Variants in PDE4D observed in about 807,000 individuals in gnomAD.
PDE4D encodes the protein phosphodiesterase 4D.
In PDE4D, 24 loss-of-function variants were observed where a neutral mutation model predicts 87.4. The ratio of observed to expected loss-of-function variants is 0.27; its 90% confidence interval spans 0.20 to 0.39. The LOEUF is 0.39. PDE4D is among the 10% of genes least tolerant of loss of function. The pLI is 1.00. For missense variants in PDE4D, 714 were observed against 1,041.0 expected (o/e 0.69, Z 4.32); for synonymous variants, 384 against 383.2 (o/e 1.00, Z -0.02).
chr5:59,068,246 T>C (rs550669412), intron 5 of PDE4D, among the ~76,000 whole-genome samples: 1 of 152,206 alleles, frequency 6.6e-6, no homozygotes, highest in Admixed American at 6.5e-5. Flanking sequence ...TGATTTAACA[T>C]GATTGTTGAT....
intron 5 of PDE4D, among the ~76,000 whole-genome samples, chr5:59,118,593 T>C (rs1773991079): frequency 6.6e-6 from 1 of 152,226 alleles, no homozygotes; most frequent in Non-Finnish European, 1.5e-5. Context: ...ACAGCAACCA[T>C]CGAACATAAA....
chr5:59,716,278 C>A (rs1755013898), intron 1 of PDE4D, among the ~76,000 whole-genome samples: 1 of 152,224 alleles, frequency 6.6e-6, no homozygotes, highest in South Asian at 2.1e-4. Context: ...TACAACTACG[C>A]TGCTGACGCT....
intron 1 of PDE4D, among the ~76,000 whole-genome samples, chr5:59,608,923 G>A (rs572674218): frequency 3.4e-4 from 51 of 152,026 alleles, no homozygotes; most frequent in Admixed American, 2.9e-3. Context: ...TCTCACTCTG[G>A]GGGATACAAG....
chr5:59,406,805 G>A (rs1791748095), intron 1 of PDE4D, among the ~76,000 whole-genome samples: 1 of 152,048 alleles, frequency 6.6e-6, no homozygotes. Context: ...TTTCATTAAT[G>A]TGATAACTTG....
intron 5 of PDE4D, chr5:59,165,152 T>C (rs1205458334): frequency 6.6e-6 from 1 of 152,220 alleles, no homozygotes; most frequent in Non-Finnish European, 1.5e-5. Context: ...TTCCCCTATC[T>C]AAGAGCACCC....
At chr5:59,778,209 C>T (rs1240449763) in intron 1 of PDE4D, among the ~76,000 whole-genome samples, 2 of 152,186 alleles carry the variant, frequency 1.3e-5, no homozygotes, top group East Asian at 3.9e-4. Context: ...CAGTATGAAA[C>T]ATGCGAAGGA....
chr5:60,428,235 G>T (rs1583728160), intron 1 of PDE4D, among the ~76,000 whole-genome samples: 1 of 152,160 alleles, frequency 6.6e-6, no homozygotes, highest in African/African-American at 2.4e-5. Flanking sequence ...TAGCCCTTGA[G>T]CAATCAAGAA....
In PDE4D at chr5:60,344,383, C is replaced by T. The variant is rs115843421; in HGVS notation, c.-90+143559G>A. ...GTTCTTGATTTTTTTTTTCTGGGCA[C>T]CTTAAATTTCCTGTAACAAAGTGAA... On this transcript the variant is annotated intron_variant, in intron 1 of 16. Coordinates refer to the PDE4D transcript ENST00000502484. Among the ~76,000 whole-genome samples the T allele has an allele frequency of 7.8e-3, 1,184 of 151,762 alleles. 14 individuals are homozygous for T. The highest frequency in any genetic ancestry group is 0.025 in the African/African-American group (1,018 of 41,418).
At chr5:59,924,209 A>C (rs968525886) in intron 3 of PDE4D, among the ~76,000 whole-genome samples, 1 of 152,126 alleles carries the variant, frequency 6.6e-6, no homozygotes, top group Admixed American at 6.5e-5. Context: ...AACAAACAAA[A>C]ATGAAACACA....
At chr5:60,485,806 C>T (rs979279473) in intron 1 of PDE4D, among the ~76,000 whole-genome samples, 3 of 152,094 alleles carry the variant, frequency 2.0e-5, no homozygotes, top group Non-Finnish European at 4.4e-5. Context: ...TCTGTTCTTT[C>T]ACAAGTAAGA....
At chr5:60,387,406 C>G (rs1762260884) in intron 1 of PDE4D, among the ~76,000 whole-genome samples, 1 of 152,170 alleles carries the variant, frequency 6.6e-6, no homozygotes, top group Admixed American at 6.5e-5. Context: ...GTTTCCAACT[C>G]CCTGTGCTCA....
chr5:59,293,603 C>T (rs1031197), intron 1 of PDE4D, among the ~76,000 whole-genome samples: 44,726 of 152,004 alleles, frequency 0.29, 7,050 homozygotes, highest in Admixed American at 0.42. Context: ...ATGTAGAATG[C>T]ATTGTTTGGC....
At chr5:59,309,024 G>A (rs554523277) in intron 1 of PDE4D, among the ~76,000 whole-genome samples, 9 of 152,160 alleles carry the variant, frequency 5.9e-5, no homozygotes, top group South Asian at 4.2e-4. Flanking sequence ...CAGGGAAGTG[G>A]GGGAAAGCCA....
At chr5:59,548,849 G>C (rs1023722642) in intron 1 of PDE4D, among the ~76,000 whole-genome samples, 1 of 152,094 alleles carries the variant, frequency 6.6e-6, no homozygotes, top group Non-Finnish European at 1.5e-5. Context: ...TTACACAAGA[G>C]AGAAACTCCC....
At position 59,439,422 on chromosome 5, in the gene PDE4D, T is replaced by G. The variant is rs370840236; in HGVS notation, c.456-223454A>C. On this transcript the variant is annotated intron_variant, in intron 1 of 14. Coordinates refer to ENST00000340635, the MANE Select transcript of PDE4D (RefSeq NM_001104631.2). ...AGAGCCAAGTGACTTTGGGTCACAA[T>G]GCTGCGCTGCCATAAATGGCTTCGG... 9.9e-5 allele frequency among the ~76,000 whole-genome samples: 15 copies of G among 151,224 alleles called. No homozygotes were observed. The East Asian group carries it at 2.7e-3, about 27-fold the overall frequency.
At chr5:59,757,147 A>G (rs762073769) in intron 1 of PDE4D, among the ~76,000 whole-genome samples, 5 of 152,150 alleles carry the variant, frequency 3.3e-5, no homozygotes, top group African/African-American at 9.7e-5. Flanking sequence ...TTGAAATACA[A>G]ACATGAACTA....
intron 1 of PDE4D, among the ~76,000 whole-genome samples, chr5:59,758,790 T>C (rs1327512765): frequency 6.6e-6 from 1 of 152,180 alleles, no homozygotes; most frequent in African/African-American, 2.4e-5. Flanking sequence ...CCTTACTTTC[T>C]TACAGCAGCA....
chr5:59,433,776 GA>G (rs935665000), intron 1 of PDE4D, among the ~76,000 whole-genome samples: 32 of 152,086 alleles, frequency 2.1e-4, no homozygotes, highest in African/African-American at 7.5e-4. Context: ...AACATTAAAA[GA>G]AAAGGAGAAC....
At chr5:59,303,569 C>T (rs1007172470) in intron 1 of PDE4D, among the ~76,000 whole-genome samples, 8 of 152,058 alleles carry the variant, frequency 5.3e-5, no homozygotes, top group South Asian at 4.1e-4. Context: ...TTTTTGTATA[C>T]GGTGAGAGAT....
Sources: gnomAD v4.1 joint callset for allele counts (sites outside exome capture counted in the v4.1 genomes callset) on GRCh38, gnomAD v4.1.1 for gene constraint, MANE v1.5 for transcripts, NCBI Gene and HGNC (gene_info 2026-07-23, HGNC 2026-07-21) for gene names.